The following DOCK3 variants were observed in gnomAD, a reference collection of about 807,000 sequenced individuals.
The protein encoded by DOCK3 is dedicator of cytokinesis protein 3.
Under a neutral mutation model 265.6 loss-of-function variants are expected in DOCK3, and 60 were observed. The observed-to-expected ratio is 0.23, with a 90% CI of 0.18 to 0.28. DOCK3 has a LOEUF of 0.28. DOCK3 is among the 10% of genes least tolerant of loss of function. The pLI is 1.00. For missense variants in DOCK3, 1,981 were observed against 2,594.3 expected (o/e 0.76, Z 5.14); for synonymous variants, 881 against 938.0 (o/e 0.94, Z 1.11).
chr3:51,069,542 G>T (rs1219332368), intron 6 of DOCK3, among the ~76,000 whole-genome samples: 2 of 151,460 alleles, frequency 1.3e-5, no homozygotes, highest in African/African-American at 4.9e-5. Flanking sequence ...GTGTATATAT[G>T]TGTGTATATA....
At chr3:51,092,635 AC>A (rs1251089611) in intron 9 of DOCK3, among the ~76,000 whole-genome samples, 18 of 151,054 alleles carry the variant, frequency 1.2e-4, no homozygotes, top group East Asian at 9.7e-4. Flanking sequence ...AGAGCAGCGG[AC>A]CTCCTAGCAC....
chr3:51,106,370 G>T (rs2083280271), intron 9 of DOCK3, among the ~76,000 whole-genome samples: 1 of 152,208 alleles, frequency 6.6e-6, no homozygotes, highest in Admixed American at 6.5e-5. Flanking sequence ...CTGACAGGCT[G>T]CAGCCCACCC....
intron 12 of DOCK3, among the ~76,000 whole-genome samples, chr3:51,200,273 A>G (rs993592830): frequency 2.6e-5 from 4 of 151,924 alleles, no homozygotes; most frequent in Non-Finnish European, 4.4e-5. Context: ...CAAAGAAGTT[A>G]AAAACTTTGA....
chr3:50,879,658 T>C (rs1212718803), intron 3 of DOCK3, among the ~76,000 whole-genome samples: 2 of 152,154 alleles, frequency 1.3e-5, no homozygotes, highest in African/African-American at 4.8e-5. Context: ...CAAAGAGACT[T>C]AGACTCCCAA....
In DOCK3 at chr3:51,323,957, A is replaced by G. The variant is rs191822064; in HGVS notation, c.3403-6181A>G. 1.2e-4 allele frequency among the ~76,000 whole-genome samples: 18 copies of G among 152,352 alleles called. No homozygotes were observed. In the East Asian group the frequency reaches 3.5e-3, roughly 29 times the overall value. The stretch of plus-strand genomic sequence containing the variant: ...TAAGAGCTATTTATGACAAACCCAC[A>G]GCCAGTATCATAACTGAATGGCCAA... On this transcript the variant is annotated intron_variant, in intron 32 of 52. Coordinates refer to ENST00000266037, the MANE Select transcript of DOCK3 (RefSeq NM_004947.5).
At chr3:50,684,881 A>G (rs2034669428) in intron 1 of DOCK3, among the ~76,000 whole-genome samples, 1 of 152,108 alleles carries the variant, frequency 6.6e-6, no homozygotes, top group African/African-American at 2.4e-5. Flanking sequence ...TTCCTATGTA[A>G]CATTTCCTTC....
At chr3:51,207,984 G>A (rs1242418409) in intron 12 of DOCK3, among the ~76,000 whole-genome samples, 3 of 152,142 alleles carry the variant, frequency 2.0e-5, no homozygotes, top group Non-Finnish European at 4.4e-5. Context: ...CCTAGTCTCT[G>A]TTCCTAAACT....
intron 9 of DOCK3, among the ~76,000 whole-genome samples, chr3:51,137,441 A>C (rs2084856353): frequency 6.6e-6 from 1 of 152,226 alleles, no homozygotes; most frequent in Admixed American, 6.5e-5. Context: ...TTTCCAAAAC[A>C]GAGTCTTTAG....
chr3:50,738,853 A>T (rs958664250), intron 1 of DOCK3, among the ~76,000 whole-genome samples: 13 of 152,066 alleles, frequency 8.5e-5, no homozygotes, highest in African/African-American at 3.1e-4. Context: ...TAGGTTTGTG[A>T]CTTAGTATCA....
intron 23 of DOCK3, among the ~76,000 whole-genome samples, chr3:51,266,200 C>T (rs2080155205): frequency 6.6e-6 from 1 of 152,288 alleles, no homozygotes; most frequent in African/African-American, 2.4e-5. Flanking sequence ...AATGGAAAAA[C>T]ATCCCATGCT....
chr3:50,680,019 GTTGAGAT>G (rs1439563402), intron 1 of DOCK3, among the ~76,000 whole-genome samples: 2 of 152,138 alleles, frequency 1.3e-5, no homozygotes, highest in Non-Finnish European at 2.9e-5. Context: ...TAAGTGCTGA[GTTGAGAT>G]TTGAACCTAG....
At chr3:50,782,708 A>G (rs2041984512) in intron 2 of DOCK3, among the ~76,000 whole-genome samples, 1 of 151,044 alleles carries the variant, frequency 6.6e-6, no homozygotes, top group Admixed American at 6.6e-5. Flanking sequence ...TTTAGTGGTG[A>G]TTTCTGAGAT....
intron 5 of DOCK3, among the ~76,000 whole-genome samples, chr3:51,007,611 G>T (rs545154511): frequency 6.6e-6 from 1 of 152,236 alleles, no homozygotes; most frequent in African/African-American, 2.4e-5. Flanking sequence ...CTGTGCAGAA[G>T]CTCTTTAGTT....
At chr3:51,311,932 C>G (rs551979819) in intron 28 of DOCK3, 72 bp from the exon 29 acceptor site, 9 of 1,184,732 alleles carry the variant, frequency 7.6e-6, no homozygotes, top group African/African-American at 1.5e-5. Flanking sequence ...AGGCTATAGA[C>G]AGCTGATACC....
intron 5 of DOCK3, among the ~76,000 whole-genome samples, chr3:50,941,450 A>G (rs2076292485): frequency 6.6e-6 from 1 of 152,144 alleles, no homozygotes; most frequent in Non-Finnish European, 1.5e-5. Context: ...TGCATCTCTC[A>G]TACATTGCTG....
intron 2 of DOCK3, among the ~76,000 whole-genome samples, chr3:50,840,081 CTTA>C (rs2107239569): frequency 6.6e-6 from 1 of 152,000 alleles, no homozygotes; most frequent in African/African-American, 2.4e-5. Flanking sequence ...TGTTTATTTT[CTTA>C]TTGAGTTTTA....
At chr3:51,306,035 A>T (rs1342645941) in intron 27 of DOCK3, among the ~76,000 whole-genome samples, 29 of 141,426 alleles carry the variant, frequency 2.1e-4, no homozygotes, top group East Asian at 8.2e-4. Context: ...TTTTTTTTTT[A>T]AATTTATTGT....
At position 50,912,279 on chromosome 3, in the gene DOCK3, A is replaced by T. The variant is rs138271004; in HGVS notation, c.219-21702A>T. On this transcript the variant is annotated intron_variant, in intron 4 of 52. Coordinates refer to ENST00000266037, the MANE Select transcript of DOCK3 (RefSeq NM_004947.5). ...GCAGAGACTCTTGTTCTTTTTCCTTACTTTCTCCCAAACAAGCAAAATCTC... is the reference window on the plus strand; with the variant it reads ...GCAGAGACTCTTGTTCTTTTTCCTTTCTTTCTCCCAAACAAGCAAAATCTC... Among the ~76,000 whole-genome samples, 1,111 of 151,894 alleles carry T rather than the reference A, an allele frequency of 7.3e-3. 8 individuals are homozygous for T. Among genetic ancestry groups the T allele is most frequent in the African/African-American group, 0.01 (431 of 41,350 alleles).
intron 22 of DOCK3, among the ~76,000 whole-genome samples, chr3:51,255,796 A>T (rs2079514133): frequency 1.3e-5 from 2 of 152,120 alleles, no homozygotes; most frequent in Non-Finnish European, 1.5e-5. Flanking sequence ...GCTTCTTTGC[A>T]ATGGGTTCGA....
Sources: gnomAD v4.1 joint callset for allele counts (sites outside exome capture counted in the v4.1 genomes callset) on GRCh38, gnomAD v4.1.1 for gene constraint, MANE v1.5 for transcripts, NCBI Gene and HGNC (gene_info 2026-07-23, HGNC 2026-07-21) for gene names.